KCNIP4: variants seen among roughly 807,000 people sequenced by gnomAD.
The protein encoded by KCNIP4 is potassium voltage-gated channel interacting protein 4.
A neutral mutation model predicts 34.0 loss-of-function variants in KCNIP4; 12 were observed. That is an observed-to-expected ratio of 0.35 (90% CI 0.23 to 0.57). The LOEUF (loss-of-function observed/expected upper bound fraction) is 0.57, where lower values mean the gene tolerates loss of function less well. Among genes scored for constraint, KCNIP4 ranks in the 20% least tolerant of loss-of-function variants. The pLI, the probability that KCNIP4 is intolerant of heterozygous loss-of-function variation, is 0.83. For synonymous variants in KCNIP4, 124 were observed against 102.2 expected, an observed-to-expected ratio of 1.21 and a Z score of -1.29; for missense variants, 238 against 311.7, an observed-to-expected ratio of 0.76 and a Z score of 1.78.
chr4:20,759,034 G>A (rs1178216228), intron 3 of KCNIP4, 144 bp from the exon 4 acceptor site: 6 of 605,734 alleles, frequency 9.9e-6, no homozygotes, highest in African/African-American at 9.3e-5. Context: ...GGGAATAAAA[G>A]CACACTATAA....
chr4:21,832,807 T>C (rs769044917), intron 1 of KCNIP4, among the ~76,000 whole-genome samples: 5 of 146,724 alleles, frequency 3.4e-5, no homozygotes, highest in Non-Finnish European at 7.5e-5. Context: ...GTTCTCATTG[T>C]TCAATTCCCA....
intron 1 of KCNIP4, among the ~76,000 whole-genome samples, chr4:20,975,739 AC>A (rs1328928057): frequency 6.6e-6 from 1 of 152,130 alleles, no homozygotes; most frequent in East Asian, 1.9e-4. Context: ...TTTATTGCCA[AC>A]TCTAGAACAA....
intron 1 of KCNIP4, among the ~76,000 whole-genome samples, chr4:21,238,609 G>C (rs1186815597): frequency 5.3e-5 from 8 of 152,120 alleles, no homozygotes; most frequent in Admixed American, 2.0e-4. Context: ...GCCAAATCAT[G>C]AGTGAACTCC....
chr4:20,945,868 G>C (rs1732141444), intron 1 of KCNIP4, among the ~76,000 whole-genome samples: 1 of 152,200 alleles, frequency 6.6e-6, no homozygotes, highest in South Asian at 2.1e-4. Flanking sequence ...TAACAGGTTA[G>C]AGGTGAGCAG....
At chr4:21,522,746 A>G (rs1363370446) in intron 1 of KCNIP4, among the ~76,000 whole-genome samples, 2 of 152,072 alleles carry the variant, frequency 1.3e-5, no homozygotes, top group African/African-American at 4.8e-5. Flanking sequence ...TAAAAGCGTT[A>G]TCTGTAAAGT....
chr4:21,009,373 C>T (rs6850639), intron 1 of KCNIP4, among the ~76,000 whole-genome samples: 44,302 of 152,072 alleles, frequency 0.29, 7,892 homozygotes, highest in African/African-American at 0.5. Flanking sequence ...CCATTATGAA[C>T]GAAATAATTA....
intron 1 of KCNIP4, among the ~76,000 whole-genome samples, chr4:21,055,410 A>G (rs1457126829): frequency 6.6e-6 from 1 of 152,142 alleles, no homozygotes; most frequent in Non-Finnish European, 1.5e-5. Flanking sequence ...CAGCAATTGT[A>G]CTCCTTGGTA....
chr4:21,618,547 C>T (rs1208784836), intron 1 of KCNIP4, among the ~76,000 whole-genome samples: 1 of 148,356 alleles, frequency 6.7e-6, no homozygotes, highest in African/African-American at 2.4e-5. Flanking sequence ...CTTTCTCCTT[C>T]TCTCTTTTTC....
intron 1 of KCNIP4, among the ~76,000 whole-genome samples, chr4:21,832,389 A>G (rs1723039891): frequency 6.6e-6 from 1 of 152,108 alleles, no homozygotes; most frequent in Admixed American, 6.6e-5. Context: ...TGGCTCTGAC[A>G]TAAGGATGGA....
chr4:21,188,983 T>C (rs1012337560), intron 1 of KCNIP4, among the ~76,000 whole-genome samples: 1 of 152,212 alleles, frequency 6.6e-6, no homozygotes, highest in Non-Finnish European at 1.5e-5. Context: ...GAATTGAATC[T>C]GAATAAAACC....
At chr4:21,060,446 C>A (rs1002054873) in intron 1 of KCNIP4, among the ~76,000 whole-genome samples, 2 of 152,104 alleles carry the variant, frequency 1.3e-5, no homozygotes, top group African/African-American at 4.8e-5. Flanking sequence ...TACAAAACAG[C>A]TTCAATAAGA....
intron 1 of KCNIP4, among the ~76,000 whole-genome samples, chr4:21,376,578 G>A (rs1437694235): frequency 1.3e-5 from 2 of 152,212 alleles, no homozygotes; most frequent in East Asian, 1.9e-4. Flanking sequence ...TTAAGGAGGT[G>A]TGTTCTAAAT....
chr4:21,615,993 G>A (rs1414328391), intron 1 of KCNIP4, among the ~76,000 whole-genome samples: 1 of 152,106 alleles, frequency 6.6e-6, no homozygotes, highest in African/African-American at 2.4e-5. Flanking sequence ...AAACAAATGT[G>A]ATTCTTTTAA....
intron 1 of KCNIP4, among the ~76,000 whole-genome samples, chr4:21,692,682 A>G (rs1711784141): frequency 6.6e-6 from 1 of 152,190 alleles, no homozygotes; most frequent in African/African-American, 2.4e-5. Context: ...TTTATCAGCA[A>G]AATTTGAAAG....
chr4:20,760,849 G>A (rs768504819), intron 3 of KCNIP4, among the ~76,000 whole-genome samples: 4 of 152,128 alleles, frequency 2.6e-5, no homozygotes, highest in African/African-American at 4.8e-5. Flanking sequence ...AAATGAGCAA[G>A]CAAGCAAGCA....
At chr4:21,573,897 A>C (rs1353432757) in intron 1 of KCNIP4, among the ~76,000 whole-genome samples, 1 of 152,186 alleles carries the variant, frequency 6.6e-6, no homozygotes, top group Non-Finnish European at 1.5e-5. Flanking sequence ...TGAAAAGCTA[A>C]GTTTAGTTAC....
intron 1 of KCNIP4, among the ~76,000 whole-genome samples, chr4:21,497,447 GC>G (rs1389981921): frequency 1.3e-5 from 2 of 151,998 alleles, no homozygotes; most frequent in Admixed American, 1.3e-4. Context: ...CAGTGCAAAT[GC>G]CCTCCCCTCT....
At chr4:20,769,201 GAACT>G (rs1253352084) in intron 3 of KCNIP4, among the ~76,000 whole-genome samples, 2 of 152,028 alleles carry the variant, frequency 1.3e-5, no homozygotes, top group Non-Finnish European at 2.9e-5. Flanking sequence ...AAAGAAATGA[GAACT>G]AATTGGCATT....
At chr4:20,773,796 C>T (rs1331059883) in intron 3 of KCNIP4, among the ~76,000 whole-genome samples, 5 of 152,158 alleles carry the variant, frequency 3.3e-5, no homozygotes, top group Non-Finnish European at 5.9e-5. Flanking sequence ...GGCCCAGAGA[C>T]TCTGATCTCC....
Sources: allele counts gnomAD v4.1 joint callset (sites outside exome capture counted in the v4.1 genomes callset), GRCh38; gene constraint gnomAD v4.1.1; transcripts MANE v1.5; gene names NCBI Gene and HGNC (gene_info 2026-07-23, HGNC 2026-07-21).